ARHGEF26: variants seen among roughly 807,000 people sequenced by gnomAD.
ARHGEF26 encodes Rho guanine nucleotide exchange factor (GEF) 26.
In ARHGEF26, 59 loss-of-function variants were observed where a neutral mutation model predicts 89.4. The ratio of observed to expected loss-of-function variants is 0.66; its 90% CI spans 0.54 to 0.82. The LOEUF is 0.82. Among genes scored for constraint, ARHGEF26 ranks in the 40% least tolerant of loss-of-function variants. The probability of loss-of-function intolerance (pLI) is 0.00; values close to 1 mark genes in which losing one functional copy is unlikely to be tolerated. For synonymous variants in ARHGEF26, 500 were observed against 428.4 expected (o/e 1.17, Z -2.06); for missense variants, 1,234 against 1,085.6 (o/e 1.14, Z -1.92).
At chr3:154,203,967 A>G (rs944282809) in intron 9 of ARHGEF26, among the ~76,000 whole-genome samples, 5 of 148,932 alleles carry the variant, frequency 3.4e-5, no homozygotes, top group Admixed American at 2.7e-4. Flanking sequence ...TTCTTTTTTG[A>G]TGTGTCTTTG....
intron 6 of ARHGEF26, among the ~76,000 whole-genome samples, chr3:154,173,766 T>C (rs1427746718): frequency 6.6e-6 from 1 of 152,184 alleles, no homozygotes; most frequent in Non-Finnish European, 1.5e-5. Flanking sequence ...TTCTTTTCTC[T>C]GCATATGTAG....
rs1052656641 is a variant in ARHGEF26 at position 154,253,167 on chromosome 3, G to A, written c.2352G>A (p.Pro784=). The change falls in exon 13 of 15, where the codon CCG becomes CCA. Residue 784 remains proline, a synonymous_variant. Transcript: ENST00000465093. ...CCCTGGGACACAGCAGCGGGAAGCCGCCTGCAGACCGAACCTGTAAGTTCT... is the reference window on the plus strand; with the variant it reads ...CCCTGGGACACAGCAGCGGGAAGCCACCTGCAGACCGAACCTGTAAGTTCT... The part of the protein sequence containing the change: ...ITALGHSSGK[P]PADRTSLTQV... 4 of 1,614,022 alleles carry A rather than the reference G, an allele frequency of 2.5e-6. No homozygotes were observed. The highest frequency in any genetic ancestry group is 3.3e-5 in the Admixed American group (2 of 60,020).
chr3:154,154,517 CAT>C (rs1720211778), intron 6 of ARHGEF26, among the ~76,000 whole-genome samples: 2 of 151,982 alleles, frequency 1.3e-5, no homozygotes, highest in South Asian at 4.1e-4. Context: ...AAGCTTAAAA[CAT>C]AAAGAAGAAA....
chr3:154,226,032 C>A lies in ARHGEF26; in HGVS notation c.2090+22C>A, dbSNP rs374093325. ...AGAGGTAAGTCTTTATCTGGTGTTGCTGACTAGACATTCCAGTTTTAAAGT... is the reference window on the plus strand; with the variant it reads ...AGAGGTAAGTCTTTATCTGGTGTTGATGACTAGACATTCCAGTTTTAAAGT... On this transcript the variant is annotated intron_variant, in intron 11 of 14. Transcript: ENST00000465093. 28 of 1,592,436 alleles carry A rather than the reference C, an allele frequency of 1.8e-5. 2 individuals are homozygous for A. In the African/African-American group the frequency reaches 3.4e-4, roughly 19 times the overall value.
chr3:154,223,762 A>G (rs1039080020), intron 10 of ARHGEF26, among the ~76,000 whole-genome samples: 1 of 152,318 alleles, frequency 6.6e-6, no homozygotes, highest in Non-Finnish European at 1.5e-5. Context: ...CTGGAATTAC[A>G]TAATGTTGAT....
At chr3:154,155,964 C>T (rs1341179809) in intron 6 of ARHGEF26, among the ~76,000 whole-genome samples, 1 of 151,794 alleles carries the variant, frequency 6.6e-6, no homozygotes, top group Non-Finnish European at 1.5e-5. Flanking sequence ...GATTTTAAAG[C>T]AGGTCTAAAG....
At chr3:154,173,506 T>A (rs1200716046) in intron 6 of ARHGEF26, among the ~76,000 whole-genome samples, 1 of 152,212 alleles carries the variant, frequency 6.6e-6, no homozygotes, top group Non-Finnish European at 1.5e-5. Flanking sequence ...CCAGAGCCTT[T>A]ATAATGAAAG....
intron 4 of ARHGEF26, 74 bp from the exon 5 acceptor site, chr3:154,149,315 A>AT: frequency 8.3e-7 from 1 of 1,204,766 alleles, no homozygotes; most frequent in Non-Finnish European, 1.2e-6. Flanking sequence ...GCATAGAGTT[A>AT]TGCCTTGAAT....
intron 11 of ARHGEF26, among the ~76,000 whole-genome samples, chr3:154,239,173 G>T (rs1250522652): frequency 6.6e-6 from 1 of 151,888 alleles, no homozygotes; most frequent in Non-Finnish European, 1.5e-5. Flanking sequence ...GGGGAATTGA[G>T]GGTACAGGGT....
Position 154,255,656 on chromosome 3 carries a change from G to T in ARHGEF26, c.*183G>T. ...AGAAGAGCTTGGATACAGTGAGTTT[G>T]CACAGCTCAGTTTTTACCTAACCAC... is the stretch of plus-strand genomic sequence containing the variant. On this transcript the variant is annotated 3_prime_UTR_variant, in exon 15 of 15. Transcript: ENST00000465093. 1 of 1,412,990 alleles carries T rather than the reference G, an allele frequency of 7.1e-7. No homozygotes were observed. Among genetic ancestry groups the T allele is most frequent in the African/African-American group, 1.4e-5 (1 of 69,278 alleles). The allele number at this position is 1,412,990 out of a possible 1,614,324, so 87.5% of individuals were successfully genotyped here.
At chr3:154,216,478 G>GTTTA (rs1715730868) in intron 9 of ARHGEF26, among the ~76,000 whole-genome samples, 1 of 37,698 alleles carries the variant, frequency 2.7e-5, no homozygotes, top group African/African-American at 1.2e-4. Flanking sequence ...TTCAGCACTT[G>GTTTA]TTTTTTTTTT....
At position 154,255,729 on chromosome 3, in the gene ARHGEF26, T is replaced by C. The variant is rs1179437675; in HGVS notation, c.*256T>C. On this transcript the variant is annotated 3_prime_UTR_variant, in exon 15 of 15. Transcript: ENST00000465093. ...ACACAGAATAGCTGAGCAGTTCACT[T>C]CAGGGATCAGGTCATCTCTGCTCCT... The C allele has an allele frequency of 7.8e-7, 1 of 1,275,304 alleles. No homozygotes were observed. The highest frequency in any genetic ancestry group is 9.9e-7 in the Non-Finnish European group (1 of 1,013,392). The allele number at this position is 1,275,304 out of a possible 1,614,324, so 79.0% of individuals were successfully genotyped here. A position where few individuals can be genotyped will look rare whatever the true frequency, so the allele number is the denominator to read the frequency against.
chr3:154,253,325 G>C, intron 13 of ARHGEF26, 142 bp downstream of exon 13: 1 of 892,052 alleles, frequency 1.1e-6, no homozygotes, highest in South Asian at 1.7e-5. Flanking sequence ...CACCAAAAAT[G>C]TATGATCCTT....
chr3:154,244,095 T>C (rs1229725545), intron 12 of ARHGEF26, among the ~76,000 whole-genome samples: 1 of 152,208 alleles, frequency 6.6e-6, no homozygotes, highest in Admixed American at 6.5e-5. Flanking sequence ...AAAACAAGGT[T>C]TGCACTACCA....
chr3:154,248,496 G>T (rs775494502), intron 12 of ARHGEF26, among the ~76,000 whole-genome samples: 2 of 152,052 alleles, frequency 1.3e-5, no homozygotes, highest in Non-Finnish European at 2.9e-5. Flanking sequence ...TTATTGTAGG[G>T]TATAGCATTT....
intron 6 of ARHGEF26, among the ~76,000 whole-genome samples, chr3:154,175,023 A>G (rs1169464767): frequency 2.6e-5 from 4 of 152,208 alleles, no homozygotes; most frequent in African/African-American, 9.6e-5. Flanking sequence ...GTCATGATTT[A>G]CTGTGAATGG....
chr3:154,175,563 A>G (rs357474), intron 6 of ARHGEF26, among the ~76,000 whole-genome samples: 105,117 of 152,104 alleles, frequency 0.69, 36,512 homozygotes, highest in East Asian at 0.87. Context: ...AAGATAAATC[A>G]TACTTACTTT....
At chr3:154,146,266 A>G (rs1206632174) in intron 4 of ARHGEF26, among the ~76,000 whole-genome samples, 1 of 152,220 alleles carries the variant, frequency 6.6e-6, no homozygotes, top group African/African-American at 2.4e-5. Flanking sequence ...CGTTAATCCC[A>G]TTCATGGAGC....
intron 10 of ARHGEF26, among the ~76,000 whole-genome samples, chr3:154,224,230 G>A (rs1283249614): frequency 2.6e-5 from 4 of 152,080 alleles, no homozygotes; most frequent in Non-Finnish European, 4.4e-5. Context: ...ATTGAGTTCA[G>A]TCTTCTAACA....
Sources: allele counts gnomAD v4.1 joint callset (sites outside exome capture counted in the v4.1 genomes callset), GRCh38; gene constraint gnomAD v4.1.1; transcripts MANE v1.5; gene names NCBI Gene and HGNC (gene_info 2026-07-23, HGNC 2026-07-21).